PRKN: variants seen among roughly 807,000 people sequenced by gnomAD.
PRKN encodes parkin RBR E3 ubiquitin protein ligase, also known as E3 ubiquitin-protein ligase parkin.
Under a neutral mutation model 59.5 loss-of-function variants are expected in PRKN, and 56 were observed. The observed-to-expected ratio is 0.94, with a 90% CI of 0.76 to 1.18. The LOEUF is 1.18. PRKN is among the 50% of genes most tolerant of loss of function. The probability of loss-of-function intolerance (pLI) is 0.00; values close to 1 mark genes in which losing one functional copy is unlikely to be tolerated. For missense variants in PRKN, 657 were observed against 596.4 expected (o/e 1.10, Z -1.06); for synonymous variants, 250 against 222.1 (o/e 1.13, Z -1.12).
rs1468469596 is a variant in PRKN at position 161,680,764 on chromosome 6, TATA to T, written c.871+105005_871+105007del. Among the ~76,000 whole-genome samples the T allele has an allele frequency of 1.5e-3, 27 of 18,510 alleles. 3 individuals are homozygous for T. The highest frequency in any genetic ancestry group is 6.2e-3 in the Admixed American group (8 of 1,286). The allele number at this position is 18,510 out of a possible 152,430, so 12.1% of individuals were successfully genotyped here. On this transcript the variant is annotated intron_variant, in intron 7 of 11. Transcript: ENST00000366898. ...ATATATATATATATATATATATATA[TATA>T]TATATATATTTTTTTTTTTTTTTCT... is the stretch of plus-strand genomic sequence containing the variant.
chr6:161,669,313 C>T (rs926874063), intron 7 of PRKN, among the ~76,000 whole-genome samples: 2 of 152,174 alleles, frequency 1.3e-5, no homozygotes, highest in Non-Finnish European at 2.9e-5. Context: ...GGGACCAAGA[C>T]ACCATCTTCA....
At chr6:162,448,348 T>TTTTCTATATAGAAATTTTCTATATAGAAA (rs1790421757) in intron 1 of PRKN, among the ~76,000 whole-genome samples, 1 of 152,028 alleles carries the variant, frequency 6.6e-6, no homozygotes, top group Non-Finnish European at 1.5e-5. Flanking sequence ...ACTACCCCAT[T>TTTTCTATATAGAAATTTTCTATATAGAAA]TTTCTATATA....
intron 1 of PRKN, among the ~76,000 whole-genome samples, chr6:162,543,776 G>C (rs13214183): frequency 0.087 from 13,238 of 152,022 alleles, 727 homozygotes; most frequent in South Asian, 0.18. Context: ...CTTAACTCCT[G>C]CCCAGGCCAA....
chr6:161,872,649 G>T (rs527647765), intron 6 of PRKN, among the ~76,000 whole-genome samples: 2 of 152,126 alleles, frequency 1.3e-5, no homozygotes, highest in African/African-American at 4.8e-5. Flanking sequence ...AAAGCCATCT[G>T]CTGGGCTTAG....
At chr6:161,827,547 T>C (rs1792298551) in intron 6 of PRKN, among the ~76,000 whole-genome samples, 1 of 146,700 alleles carries the variant, frequency 6.8e-6, no homozygotes, top group African/African-American at 2.5e-5. Flanking sequence ...TCTCAATCTG[T>C]CACCCAGGCT....
chr6:161,812,299 A>AG (rs1791596259), intron 6 of PRKN, among the ~76,000 whole-genome samples: 1 of 152,094 alleles, frequency 6.6e-6, no homozygotes, highest in African/African-American at 2.4e-5. Context: ...AGGCTAAGGC[A>AG]GGGGGTGGGA....
intron 6 of PRKN, among the ~76,000 whole-genome samples, chr6:161,895,722 A>G (rs909406229): frequency 6.7e-6 from 1 of 148,666 alleles, no homozygotes; most frequent in Admixed American, 6.7e-5. Context: ...GAGCACGCCC[A>G]CCCCACCTGC....
intron 7 of PRKN, among the ~76,000 whole-genome samples, chr6:161,688,969 C>T (rs538437896): frequency 2.6e-5 from 4 of 152,288 alleles, no homozygotes; most frequent in African/African-American, 9.6e-5. Flanking sequence ...TGACTGAGAT[C>T]ACCAAGGGAA....
chr6:162,527,860 A>C (rs975742998), intron 1 of PRKN, among the ~76,000 whole-genome samples: 3 of 152,090 alleles, frequency 2.0e-5, no homozygotes, highest in African/African-American at 7.2e-5. Flanking sequence ...CATTACAGTT[A>C]AGCCACCTGC....
chr6:162,447,010 A>G (rs1168852723), intron 1 of PRKN, among the ~76,000 whole-genome samples: 1 of 152,174 alleles, frequency 6.6e-6, no homozygotes, highest in Non-Finnish European at 1.5e-5. Context: ...GGCCACCTTG[A>G]CTGTTAGCTT....
rs1781057073 is a variant in PRKN at position 162,124,824 on chromosome 6, G to A, written c.535-70650C>T. Among the ~76,000 whole-genome samples, 3 of 152,222 alleles carry A rather than the reference G, an allele frequency of 2.0e-5. No individual in the cohort carries two copies. The South Asian group carries it at 6.2e-4, about 32-fold the overall frequency. ...AGGCAGACGCCAAGAAGTAACCTTCGGGACCATCCATGTTTCGGGTGCTGA... is the reference window on the plus strand; with the variant it reads ...AGGCAGACGCCAAGAAGTAACCTTCAGGACCATCCATGTTTCGGGTGCTGA... On this transcript the variant is annotated intron_variant, in intron 4 of 11. Coordinates refer to ENST00000366898, the MANE Select transcript of PRKN (RefSeq NM_004562.3).
intron 6 of PRKN, among the ~76,000 whole-genome samples, chr6:161,859,620 A>AAAAAG (rs1189522596): frequency 6.6e-6 from 1 of 151,404 alleles, no homozygotes; most frequent in East Asian, 1.9e-4. Flanking sequence ...CAAAAAAAAA[A>AAAAAG]AAAAAAAAAG....
At chr6:161,681,967 G>T (rs570324685) in intron 7 of PRKN, among the ~76,000 whole-genome samples, 1 of 152,254 alleles carries the variant, frequency 6.6e-6, no homozygotes, top group African/African-American at 2.4e-5. Flanking sequence ...TGTGAAAGCC[G>T]CAGTTCCCCA....
At chr6:161,788,636 A>T (rs1790519166) in intron 6 of PRKN, among the ~76,000 whole-genome samples, 1 of 140,012 alleles carries the variant, frequency 7.1e-6, no homozygotes, top group Non-Finnish European at 1.5e-5. Flanking sequence ...GTTACCAGAG[A>T]GTGAGCAGTG....
At chr6:161,851,218 C>G (rs1793419551) in intron 6 of PRKN, among the ~76,000 whole-genome samples, 1 of 152,112 alleles carries the variant, frequency 6.6e-6, no homozygotes, top group Non-Finnish European at 1.5e-5. Flanking sequence ...ATTTCTCTTT[C>G]TCTTTCTCTC....
chr6:161,893,896 T>C (rs1777507998), intron 6 of PRKN, among the ~76,000 whole-genome samples: 1 of 152,214 alleles, frequency 6.6e-6, no homozygotes, highest in Non-Finnish European at 1.5e-5. Context: ...CGGATCTGGG[T>C]AAGTCATCTC....
chr6:161,981,506 C>G (rs901406092), intron 5 of PRKN, among the ~76,000 whole-genome samples: 6 of 152,020 alleles, frequency 3.9e-5, no homozygotes, highest in African/African-American at 1.5e-4. Flanking sequence ...ATAGCAAGAC[C>G]CTGTCTTTAA....
rs564947995 is a variant in PRKN, at chr6:161,676,152, T to C, written c.872-106736A>G. On this transcript the variant is annotated intron_variant, in intron 7 of 11. Coordinates refer to ENST00000366898, the MANE Select transcript of PRKN (RefSeq NM_004562.3). The stretch of plus-strand genomic sequence containing the variant: ...GCCCCTGGCTGCACTCTGGTGCCAC[T>C]AGAAACTGTGGGCCATGAAGGAGAG... Among the ~76,000 whole-genome samples the C allele has an allele frequency of 4.6e-5, 7 of 152,334 alleles. No individual in the cohort carries two copies. In the East Asian group the frequency reaches 1.4e-3, roughly 29 times the overall value.
chr6:162,651,886 G>T (rs866082799), intron 1 of PRKN, among the ~76,000 whole-genome samples: 9 of 152,120 alleles, frequency 5.9e-5, no homozygotes, highest in South Asian at 4.2e-4. Context: ...GTTATAAGTA[G>T]ATAGTTGACT....
Sources: gnomAD v4.1 joint callset for allele counts (sites outside exome capture counted in the v4.1 genomes callset) on GRCh38, gnomAD v4.1.1 for gene constraint, MANE v1.5 for transcripts, NCBI Gene and HGNC (gene_info 2026-07-23, HGNC 2026-07-21) for gene names.